The following SMIM27 variants were observed in gnomAD, a reference collection of about 807,000 sequenced individuals.
SMIM27 encodes TOPORS antisense RNA 1 (non-protein coding).
Under a neutral mutation model 1.8 loss-of-function variants are expected in SMIM27, and 3 were observed. The ratio of observed to expected loss-of-function variants is 1.65; its 90% CI spans 0.75 to 4.28. The LOEUF is 4.28. SMIM27 is among the 30% of genes most tolerant of loss of function. The pLI is 0.02. For synonymous variants in SMIM27, 19 were observed against 13.9 expected, an observed-to-expected ratio of 1.37 and a Z score of -0.82; for missense variants, 63 against 37.0, an observed-to-expected ratio of 1.70 and a Z score of -1.83.
intron 1 of SMIM27, among the ~76,000 whole-genome samples, chr9:32,558,502 T>C (rs1217620855): frequency 4.6e-5 from 7 of 152,188 alleles, no homozygotes; most frequent in Admixed American, 3.9e-4. Flanking sequence ...TACAAAGCCA[T>C]AGGACATGAG....
At chr9:32,559,673 A>G (rs1424639816) in intron 1 of SMIM27, among the ~76,000 whole-genome samples, 4 of 152,192 alleles carry the variant, frequency 2.6e-5, no homozygotes, top group Admixed American at 1.3e-4. Context: ...TTTGTCTTCA[A>G]AGATCACTTC....
downstream of SMIM27, chr9:32,554,065 T>TAA: frequency 1.7e-6 from 1 of 597,760 alleles, no homozygotes. Flanking sequence ...GCATTCCCTT[T>TAA]AAAAGGACCC....
intron 1 of SMIM27, among the ~76,000 whole-genome samples, chr9:32,560,657 T>C (rs1357195748): frequency 1.3e-5 from 2 of 152,196 alleles, no homozygotes; most frequent in African/African-American, 4.8e-5. Flanking sequence ...ATTTACCATA[T>C]AAATACTTCG....
intron 1 of SMIM27, among the ~76,000 whole-genome samples, chr9:32,561,267 T>A (rs1235158114): frequency 5.9e-5 from 9 of 152,070 alleles, no homozygotes; most frequent in Non-Finnish European, 1.5e-5. Flanking sequence ...AGACAGGCCA[T>A]GTCCACTTGG....
downstream of SMIM27, chr9:32,554,055 G>T: frequency 1.6e-6 from 1 of 641,666 alleles, no homozygotes; most frequent in Non-Finnish European, 2.6e-6. Context: ...TTGAGTTCTG[G>T]CATTCCCTTT....
At chr9:32,566,821 G>T in exon 2 of SMIM27, 2 of 881,480 alleles carry the variant, frequency 2.3e-6, no homozygotes, top group Non-Finnish European at 1.9e-6. Context: ...CTCTGCCTCT[G>T]TGGGGGCCTG....
intron 1 of SMIM27, 22 bp downstream of exon 1, chr9:32,552,501 C>G: frequency 3.2e-6 from 5 of 1,572,034 alleles, no homozygotes; most frequent in Non-Finnish European, 4.3e-6. Flanking sequence ...GGATCGCGGG[C>G]CCCCACCGTG....
At chr9:32,557,850 T>G (rs1821511416), downstream of SMIM27, among the ~76,000 whole-genome samples, 1 of 152,106 alleles carries the variant, frequency 6.6e-6, no homozygotes, top group Non-Finnish European at 1.5e-5. Context: ...TTCCTAAAAT[T>G]CCCCTGTTGC....
intron 1 of SMIM27, chr9:32,566,026 C>T (rs1052206061): frequency 6.0e-6 from 2 of 333,586 alleles, no homozygotes; most frequent in Non-Finnish European, 1.1e-5. Context: ...TCAGATTTGC[C>T]GGAAATATTT....
downstream of SMIM27, chr9:32,553,957 A>C: frequency 6.5e-7 from 1 of 1,529,036 alleles, no homozygotes; most frequent in Non-Finnish European, 9.0e-7. Context: ...AGGAAAACAA[A>C]GATACAGTTA....
intron 1 of SMIM27, among the ~76,000 whole-genome samples, chr9:32,563,826 C>A (rs1041042210): frequency 6.6e-6 from 1 of 152,178 alleles, no homozygotes; most frequent in Non-Finnish European, 1.5e-5. Context: ...CTATTACTAT[C>A]ATTATTTACT....
At chr9:32,560,433 G>A (rs1052963983) in intron 1 of SMIM27, among the ~76,000 whole-genome samples, 16 of 152,178 alleles carry the variant, frequency 1.1e-4, no homozygotes, top group Non-Finnish European at 2.4e-4. Flanking sequence ...ATATGATAAA[G>A]TAAGTTAAAC....
chr9:32,551,294 C>G (rs989623070), upstream of SMIM27: 3 of 501,450 alleles, frequency 6.0e-6, no homozygotes, highest in African/African-American at 5.8e-5. Flanking sequence ...TTACCAAACT[C>G]TGCGGAAACT....
downstream of SMIM27, among the ~76,000 whole-genome samples, chr9:32,555,081 T>G (rs1365129696): frequency 6.7e-6 from 1 of 150,218 alleles, no homozygotes; most frequent in African/African-American, 2.4e-5. Flanking sequence ...CGCTAGAGAC[T>G]TTCTGTTCCT....
In SMIM27 at chr9:32,552,391, C is replaced by CGCAGCTCCCG. The variant is rs1326476845; in HGVS notation, c.-43_-34dup. On this transcript the variant is annotated 5_prime_UTR_variant, in exon 1 of 2. Coordinates refer to ENST00000692500, the MANE Select transcript of SMIM27 (RefSeq NM_001387564.1). ...CCGCCTGGGAGGTTACTGTAAGGCCCGCAGCTCCCGCCAGCTCCCGCGGAC... is the reference window on the plus strand; with the variant it reads ...CCGCCTGGGAGGTTACTGTAAGGCCCGCAGCTCCCGGCAGCTCCCGCCAGCTCCCGCGGAC... The CGCAGCTCCCG allele has an allele frequency of 6.2e-7, 1 of 1,606,574 alleles. No individual in the cohort carries two copies. Among genetic ancestry groups the CGCAGCTCCCG allele is most frequent in the Admixed American group, 1.7e-5 (1 of 59,152 alleles).
At chr9:32,555,359 A>C (rs1186058462), downstream of SMIM27, among the ~76,000 whole-genome samples, 1 of 152,270 alleles carries the variant, frequency 6.6e-6, no homozygotes, top group African/African-American at 2.4e-5. Context: ...AATAAAACTC[A>C]AACAGAGGGA....
At chr9:32,560,359 G>A (rs1821591742) in intron 1 of SMIM27, among the ~76,000 whole-genome samples, 1 of 152,192 alleles carries the variant, frequency 6.6e-6, no homozygotes, top group Non-Finnish European at 1.5e-5. Flanking sequence ...AGTGACTGCA[G>A]TTTGTTAAAT....
At chr9:32,558,172 C>T (rs148028771) in intron 1 of SMIM27, among the ~76,000 whole-genome samples, 182 of 143,486 alleles carry the variant, frequency 1.3e-3, no homozygotes, top group Non-Finnish European at 2.2e-3. Context: ...AGTGCAGTGG[C>T]GCAACCTCGG....
intron 1 of SMIM27, among the ~76,000 whole-genome samples, chr9:32,565,180 C>T (rs1821745242): frequency 6.6e-6 from 1 of 151,982 alleles, no homozygotes; most frequent in South Asian, 2.1e-4. Flanking sequence ...GTAATCCCAG[C>T]TACTTGGTAG....
Sources: allele counts gnomAD v4.1 joint callset (sites outside exome capture counted in the v4.1 genomes callset), GRCh38; gene constraint gnomAD v4.1.1; transcripts MANE v1.5; gene names NCBI Gene and HGNC (gene_info 2026-07-23, HGNC 2026-07-21).